TBCK: variants seen among roughly 807,000 people sequenced by gnomAD.
TBCK encodes TBC domain-containing protein kinase-like protein.
TBCK carries 99 observed loss-of-function variants against 113.4 expected under a neutral mutation model. The ratio of observed to expected loss-of-function variants is 0.87; its 90% CI spans 0.74 to 1.03. The LOEUF (loss-of-function observed/expected upper bound fraction) is 1.03, where lower values mean the gene tolerates loss of function less well. Ranked by LOEUF, TBCK falls within the 50% of genes least tolerant of loss-of-function variation. The pLI, the probability that TBCK is intolerant of heterozygous loss-of-function variation, is 0.00. For synonymous variants in TBCK, 369 were observed against 370.8 expected (o/e 1.00, Z 0.05); for missense variants, 1,045 against 1,061.3 (o/e 0.98, Z 0.21).
chr4:106,170,977 A>T lies in TBCK; in HGVS notation c.2235+118T>A, dbSNP rs1404259512. 3 of 703,424 alleles carry T rather than the reference A, an allele frequency of 4.3e-6. No homozygotes were observed. In the East Asian group the frequency reaches 9.4e-5, roughly 22 times the overall value. The allele number at this position is 703,424 out of a possible 1,614,324, so 43.6% of individuals were successfully genotyped here. On this transcript the variant is annotated intron_variant, in intron 23 of 25. Coordinates refer to ENST00000394708, the MANE Select transcript of TBCK (RefSeq NM_001163435.3). ...CTATGAATCAAATCATGTGTTAGAA[A>T]ATATCTACATTAAAAGGACATAAAT...
intron 19 of TBCK, among the ~76,000 whole-genome samples, chr4:106,218,454 A>G (rs1284239883): frequency 1.4e-5 from 2 of 145,560 alleles, no homozygotes; most frequent in Non-Finnish European, 3.0e-5. Context: ...GGGAGAAAAT[A>G]TTCGCAACCT....
intron 19 of TBCK, among the ~76,000 whole-genome samples, chr4:106,218,149 GA>G (rs1298742764): frequency 7.0e-6 from 1 of 143,448 alleles, no homozygotes; most frequent in East Asian, 2.1e-4. Context: ...ATGGTGCTGG[GA>G]AAACTGGCTA....
intron 20 of TBCK, among the ~76,000 whole-genome samples, chr4:106,202,141 T>C (rs1452392363): frequency 6.6e-6 from 1 of 151,384 alleles, no homozygotes; most frequent in Non-Finnish European, 1.5e-5. Context: ...GCCAAAGTTC[T>C]GAGGTAACCT....
chr4:106,245,567 G>C (rs1488576770), intron 10 of TBCK, among the ~76,000 whole-genome samples: 2 of 152,144 alleles, frequency 1.3e-5, no homozygotes, highest in Non-Finnish European at 2.9e-5. Flanking sequence ...GGGGTGGCTA[G>C]AACGAGTTGG....
intron 23 of TBCK, among the ~76,000 whole-genome samples, chr4:106,138,244 T>C (rs1178160871): frequency 7.1e-6 from 1 of 141,418 alleles, no homozygotes; most frequent in African/African-American, 2.5e-5. Context: ...CACGGTCATG[T>C]ATGTAATCCG....
At chr4:106,172,289 TA>T (rs1247441084) in intron 22 of TBCK, among the ~76,000 whole-genome samples, 1 of 152,168 alleles carries the variant, frequency 6.6e-6, no homozygotes, top group African/African-American at 2.4e-5. Flanking sequence ...TAAGCATCTT[TA>T]ATGCAGAGGT....
intron 25 of TBCK, among the ~76,000 whole-genome samples, chr4:106,074,618 A>C (rs1198486401): frequency 2.0e-5 from 3 of 152,236 alleles, no homozygotes; most frequent in Non-Finnish European, 4.4e-5. Context: ...TCATGTATTT[A>C]GATACTACCC....
chr4:106,150,119 A>G (rs1417077086), intron 23 of TBCK, among the ~76,000 whole-genome samples: 1 of 152,214 alleles, frequency 6.6e-6, no homozygotes, highest in Admixed American at 6.5e-5. Flanking sequence ...TTGGCAGTAA[A>G]AATAAAAAGA....
intron 20 of TBCK, among the ~76,000 whole-genome samples, chr4:106,209,962 C>T (rs1755943719): frequency 1.3e-5 from 2 of 152,110 alleles, no homozygotes; most frequent in Admixed American, 1.3e-4. Context: ...TTCTATCCTG[C>T]ACCCCTCCAT....
chr4:106,281,624 G>A (rs552138957), intron 3 of TBCK, among the ~76,000 whole-genome samples: 1 of 152,158 alleles, frequency 6.6e-6, no homozygotes, highest in South Asian at 2.1e-4. Context: ...TCACCATGAA[G>A]GGTTGTGGAA....
intron 23 of TBCK, among the ~76,000 whole-genome samples, chr4:106,149,882 C>T (rs1321188540): frequency 6.6e-6 from 1 of 152,172 alleles, no homozygotes; most frequent in African/African-American, 2.4e-5. Flanking sequence ...GCCTTTACTG[C>T]ATATCTTCTA....
At chr4:106,277,827 T>C (rs1369127703) in intron 3 of TBCK, among the ~76,000 whole-genome samples, 2 of 152,178 alleles carry the variant, frequency 1.3e-5, no homozygotes, top group African/African-American at 2.4e-5. Context: ...CTTAAAAAGT[T>C]TGTGTACTTC....
intron 23 of TBCK, among the ~76,000 whole-genome samples, chr4:106,122,455 A>T (rs1744545015): frequency 6.6e-6 from 1 of 152,188 alleles, no homozygotes; most frequent in South Asian, 2.1e-4. Context: ...TACAAGGAGG[A>T]ACTGGTACCA....
intron 3 of TBCK, among the ~76,000 whole-genome samples, chr4:106,271,012 A>G (rs1214871248): frequency 6.6e-6 from 1 of 152,194 alleles, no homozygotes; most frequent in Non-Finnish European, 1.5e-5. Context: ...ATAAATAGGA[A>G]GGCAGACAAA....
chr4:106,183,075 A>G (rs1460449760), intron 22 of TBCK, among the ~76,000 whole-genome samples: 1 of 152,064 alleles, frequency 6.6e-6, no homozygotes, highest in African/African-American at 2.4e-5. Flanking sequence ...ACTTTGTCAT[A>G]TAATTTATTT....
In TBCK at chr4:106,118,115, G is replaced by A. The variant is rs561595020; in HGVS notation, c.2236-1737C>T. 5.3e-5 allele frequency among the ~76,000 whole-genome samples: 8 copies of A among 151,974 alleles called. No individual in the cohort carries two copies. The South Asian group carries it at 1.7e-3, about 32-fold the overall frequency. On this transcript the variant is annotated intron_variant, in intron 23 of 25. Transcript: ENST00000394708. ...TTATGTTTCATAAGTTATCAAAATA[G>A]AGTCTAATAATTATCTCGTTTACTC...
intron 25 of TBCK, among the ~76,000 whole-genome samples, chr4:106,063,161 T>C (rs1276961979): frequency 6.6e-6 from 1 of 151,934 alleles, no homozygotes; most frequent in South Asian, 2.1e-4. Context: ...TAATCTAATA[T>C]AAACCTACAG....
chr4:106,175,132 CAAAAA>C lies in TBCK; in HGVS notation c.2060-3867_2060-3863del, dbSNP rs754840841. ...GCCTGGCTACAGAGCAAGACTCTCT[CAAAAA>C]AAAAAAAAAGAAAAAAAAATCAATT... is the stretch of plus-strand genomic sequence containing the variant. On this transcript the variant is annotated intron_variant, in intron 22 of 25. Transcript: ENST00000394708. Among the ~76,000 whole-genome samples the C allele has an allele frequency of 3.3e-5, 3 of 90,744 alleles. No individual in the cohort carries two copies. The East Asian group carries it at 9.2e-4, about 28-fold the overall frequency. The allele number at this position is 90,744 out of a possible 152,430, so 59.5% of individuals were successfully genotyped here. A position where few individuals can be genotyped will look rare whatever the true frequency, so the allele number is the denominator to read the frequency against.
intron 24 of TBCK, among the ~76,000 whole-genome samples, chr4:106,096,548 G>A (rs1474814263): frequency 1.3e-5 from 2 of 152,124 alleles, no homozygotes; most frequent in African/African-American, 2.4e-5. Flanking sequence ...GTGAAATGCT[G>A]TAGCAGACAT....
Sources: allele counts gnomAD v4.1 joint callset (sites outside exome capture counted in the v4.1 genomes callset), GRCh38; gene constraint gnomAD v4.1.1; transcripts MANE v1.5; gene names NCBI Gene and HGNC (gene_info 2026-07-23, HGNC 2026-07-21).